The following RRBP1 variants were observed in gnomAD, a reference collection of about 807,000 sequenced individuals.
The protein encoded by RRBP1 is ribosome-binding protein 1.
In RRBP1, 94 loss-of-function variants were observed where a neutral mutation model predicts 165.2. The observed-to-expected ratio is 0.57, with a 90% CI of 0.48 to 0.68. RRBP1 has a LOEUF of 0.68. RRBP1 is among the 30% of genes least tolerant of loss of function. RRBP1 has a pLI of 0.00. For synonymous variants in RRBP1, 680 were observed against 714.5 expected (o/e 0.95, Z 0.77); for missense variants, 1,676 against 1,763.0 (o/e 0.95, Z 0.88).
At position 17,643,390 on chromosome 20, in the gene RRBP1, CTTT is replaced by C. The variant is rs113680800; in HGVS notation, c.1913-266_1913-264del. 6.8e-6 allele frequency among the ~76,000 whole-genome samples: 1 copy of C among 147,804 alleles called. No individual in the cohort carries two copies. ...AGCCTGGGGTGGAAGTAGAGCTCCT[CTTT>C]TTTTTTTTCCACCATCAAGATGGCC... is the stretch of plus-strand genomic sequence containing the variant. On this transcript the variant is annotated intron_variant, in intron 3 of 24. Coordinates refer to ENST00000377813, the MANE Select transcript of RRBP1 (RefSeq NM_001365613.2). The surrounding 1 kb of genome is among the most constrained non-coding windows in gnomAD (Gnocchi z 4.3).
chr20:17,628,708 G>A (rs778567708), intron 9 of RRBP1, among the ~76,000 whole-genome samples: 3 of 152,218 alleles, frequency 2.0e-5, no homozygotes, highest in Admixed American at 6.5e-5. Context: ...TCCCACCTCC[G>A]GGCCCTGTGC....
chr20:17,618,360 G>A (rs985743084), intron 20 of RRBP1, among the ~76,000 whole-genome samples: 5 of 152,176 alleles, frequency 3.3e-5, no homozygotes, highest in Non-Finnish European at 7.4e-5. Flanking sequence ...AGGTAGCCAG[G>A]GGACGGGAGA....
chr20:17,651,143 C>T lies in RRBP1; in HGVS notation c.1912+7453G>A, dbSNP rs545641387. On this transcript the variant is annotated intron_variant, in intron 3 of 24. Transcript: ENST00000377813. ...AGTAAAGAATTTGTGCCTTTCATTT[C>T]CAAAGAAAGAGGCTTTCTCCTTATC... 1.7e-4 allele frequency among the ~76,000 whole-genome samples: 26 copies of T among 152,312 alleles called. No homozygotes were observed. The South Asian group carries it at 5.4e-3, about 32-fold the overall frequency.
At position 17,659,354 on chromosome 20, in the gene RRBP1, G is replaced by T. The variant is rs2036711349; in HGVS notation, c.1154C>A (p.Ala385Asp). Reference protein sequence around the residue: ...AQNQGKKAEGAQNQGKKVEGA... With the variant: ...AQNQGKKAEGDQNQGKKVEGA... ...TTCTACTTTTTTGCCCTGGTTCTGA[G>T]CCCCCTCGGCCTTTTTGCCCTGGTT... Residue 385 changes from alanine (A) to aspartate (D), a missense_variant, in exon 3 of 25, where the codon GCT (alanine) becomes GAT (aspartate). By Grantham distance (126) the Ala-to-Asp change is moderately radical. Coordinates refer to ENST00000377813, the MANE Select transcript of RRBP1 (RefSeq NM_001365613.2). The T allele has an allele frequency of 6.5e-7, 1 of 1,536,924 alleles. No individual in the cohort carries two copies. The highest frequency in any genetic ancestry group is 2.5e-5 in the East Asian group (1 of 40,122).
In RRBP1 at chr20:17,643,998, G is replaced by C. The variant is rs1013780976; in HGVS notation, c.1913-871C>G. ...AGCTGAATGACAGCACTAAAAATGA[G>C]CCAAATCAGAGAGCAGACAGGCCTA... is the stretch of plus-strand genomic sequence containing the variant. On this transcript the variant is annotated intron_variant, in intron 3 of 24. Coordinates refer to ENST00000377813, the MANE Select transcript of RRBP1 (RefSeq NM_001365613.2). This position sits in a 1 kb window ranked among gnomAD's most constrained non-coding sequence, Gnocchi z 4.3. Among the ~76,000 whole-genome samples, 8 of 150,874 alleles carry C rather than the reference G, an allele frequency of 5.3e-5. No homozygotes were observed. The highest frequency in any genetic ancestry group is 8.8e-5 in the Non-Finnish European group (6 of 67,974).
Position 17,614,733 on chromosome 20 carries a change from G to A in RRBP1, c.4194+4C>T, listed in dbSNP as rs771375194. 146 of 1,611,070 alleles carry A rather than the reference G, an allele frequency of 9.1e-5. No individual in the cohort carries two copies. Among genetic ancestry groups the A allele is most frequent in the Non-Finnish European group, 1.1e-4 (134 of 1,179,982 alleles). On this transcript the variant is annotated splice_donor_region_variant and intron_variant, in intron 24 of 24. Coordinates refer to ENST00000377813, the MANE Select transcript of RRBP1 (RefSeq NM_001365613.2). ...CCCGCCCTGCTTTGGCGCCAGGCACGCACTGCCTTTTCCAGCTGTTCCTGC... is the reference window on the plus strand; with the variant it reads ...CCCGCCCTGCTTTGGCGCCAGGCACACACTGCCTTTTCCAGCTGTTCCTGC...
At chr20:17,652,814 C>G (rs934910280) in intron 3 of RRBP1, among the ~76,000 whole-genome samples, 1 of 152,230 alleles carries the variant, frequency 6.6e-6, no homozygotes, top group Non-Finnish European at 1.5e-5. Flanking sequence ...TCCGGGCTTG[C>G]TCACCAGGCA....
chr20:17,633,515 C>CGCT lies in RRBP1; in HGVS notation c.2552_2554dup (p.Gln851dup), dbSNP rs755014643. ...AGCTGCCTTGGCTTCCAGAGCTTTC[C>CGCT]GCTGCTGCTCATCTTGCCGCACAGC... On this transcript the variant is annotated inframe_insertion, in exon 8 of 25. Coordinates refer to ENST00000377813, the MANE Select transcript of RRBP1 (RefSeq NM_001365613.2). 1.2e-6 allele frequency: 2 copies of CGCT among 1,614,048 alleles called. No individual in the cohort carries two copies. The highest frequency in any genetic ancestry group is 1.1e-5 in the South Asian group (1 of 91,078).
Position 17,659,142 on chromosome 20 carries a change from G to C in RRBP1, c.1366C>G (p.Gln456Glu), listed in dbSNP as rs1467092460. 1 of 1,548,962 alleles carries C rather than the reference G, an allele frequency of 6.5e-7. No individual in the cohort carries two copies. Among genetic ancestry groups the C allele is most frequent in the Non-Finnish European group, 8.7e-7 (1 of 1,146,282 alleles). The stretch of plus-strand genomic sequence containing the variant: ...CCCTCGGCCTTCTTGCCCTGGTTCT[G>C]GGCCCCCTCGGCCTTCTTGCCCTGG... ...QNQGKKAEGA[Q>E]NQGKKAEGAQ... Residue 456 changes from glutamine (Q) to glutamate (E), a missense_variant, in exon 3 of 25, where the codon CAG (glutamine) becomes GAG (glutamate). Transcript: ENST00000377813.
At chr20:17,681,504 A>G (rs1314651374) in intron 1 of RRBP1, among the ~76,000 whole-genome samples, 2 of 145,450 alleles carry the variant, frequency 1.4e-5, no homozygotes, top group African/African-American at 2.5e-5. Flanking sequence ...CCCCCATTCA[A>G]TCCCGCCCTC....
chr20:17,642,572 C>T (rs575698355), intron 4 of RRBP1, among the ~76,000 whole-genome samples: 1 of 152,316 alleles, frequency 6.6e-6, no homozygotes, highest in Non-Finnish European at 1.5e-5. Flanking sequence ...GCCAGAGGCA[C>T]GAGATAGCTC....
In RRBP1 at chr20:17,660,038, A is replaced by T; in HGVS notation, c.470T>A (p.Val157Glu). ...CGAAGTGAGAACCTGGATGGAATTC[A>T]CTACAGAGCTGACAGCTGGTTCCAC... Reference protein sequence around the residue: ...AKVEPAVSSVVNSIQVLTSKA... With the variant: ...AKVEPAVSSVENSIQVLTSKA... The change falls in exon 3 of 25, where the codon GTG becomes GAG. Residue 157 changes from valine to glutamate, a missense_variant. Around this residue, in one of 5 missense-constraint regions of RRBP1, gnomAD observed 392 missense variants for 382.5 expected, o/e 1.02. Transcript: ENST00000377813. The T allele has an allele frequency of 1.2e-6, 2 of 1,613,516 alleles. No individual in the cohort carries two copies. The highest frequency in any genetic ancestry group is 1.1e-5 in the South Asian group (1 of 90,880).
intron 1 of RRBP1, among the ~76,000 whole-genome samples, chr20:17,681,367 G>A (rs1190258550): frequency 2.0e-5 from 3 of 147,582 alleles, no homozygotes; most frequent in Non-Finnish European, 4.5e-5. Flanking sequence ...CCCGGCGTCC[G>A]TGCCATGGAC....
intron 8 of RRBP1, among the ~76,000 whole-genome samples, chr20:17,630,956 C>T (rs1378538205): frequency 6.6e-6 from 1 of 152,206 alleles, no homozygotes; most frequent in African/African-American, 2.4e-5. Context: ...CTCAGATGAG[C>T]ACCATCCGGG....
chr20:17,666,519 G>A (rs951668522), intron 2 of RRBP1, among the ~76,000 whole-genome samples: 5 of 152,160 alleles, frequency 3.3e-5, no homozygotes, highest in Non-Finnish European at 7.4e-5. Context: ...AATTTACCCA[G>A]CTATCATCTA....
chr20:17,662,925 T>C lies in RRBP1; in HGVS notation c.-21-2397A>G, dbSNP rs6044938. Among the ~76,000 whole-genome samples the C allele has an allele frequency of 3.0e-3, 461 of 152,244 alleles. 2 individuals carry two copies. Among genetic ancestry groups the C allele is most frequent in the African/African-American group, 0.011 (445 of 41,540 alleles). On this transcript the variant is annotated intron_variant, in intron 2 of 24. Coordinates refer to ENST00000377813, the MANE Select transcript of RRBP1 (RefSeq NM_001365613.2). ...GCATGGTGGTACAAGCCTGTGATCT[T>C]AGCACCTTGGGAAGCTGAGGAGGGA...
At chr20:17,668,165 T>C (rs2036905234) in intron 2 of RRBP1, among the ~76,000 whole-genome samples, 1 of 152,186 alleles carries the variant, frequency 6.6e-6, no homozygotes, top group Non-Finnish European at 1.5e-5. Flanking sequence ...TTCTGGAAAA[T>C]CCTTGGCCAC....
intron 7 of RRBP1, among the ~76,000 whole-genome samples, chr20:17,633,950 C>T (rs1004923840): frequency 2.0e-5 from 3 of 152,216 alleles, no homozygotes; most frequent in African/African-American, 4.8e-5. Flanking sequence ...AAGATCCACC[C>T]GCCTTGACGC....
At chr20:17,620,417 G>T in intron 17 of RRBP1, 47 bp from the exon 18 acceptor site, 1 of 1,535,612 alleles carries the variant, frequency 6.5e-7, no homozygotes, top group Non-Finnish European at 9.0e-7. Context: ...ACCTGGGGGT[G>T]TCTCCTTCCG....
Sources: gnomAD v4.1 joint callset for allele counts (sites outside exome capture counted in the v4.1 genomes callset) on GRCh38, gnomAD v4.1.1 for gene constraint, gnomAD v4.1.1 regional missense constraint, Gnocchi (gnomAD v3.1) non-coding constraint, MANE v1.5 for transcripts, NCBI Gene and HGNC (gene_info 2026-07-23, HGNC 2026-07-21) for gene names.